Variants in C18orf54 observed in about 807,000 individuals in gnomAD.
C18orf54 encodes lung adenoma susceptibility protein 2.
C18orf54 carries 49 observed loss-of-function variants against 49.3 expected under a neutral mutation model. That is an observed-to-expected ratio of 0.99 (90% CI 0.79 to 1.26). The LOEUF is 1.26. Among genes scored for constraint, C18orf54 ranks in the 50% most tolerant of loss-of-function variants. C18orf54 has a pLI of 0.00. For synonymous variants in C18orf54, 211 were observed against 216.6 expected, an observed-to-expected ratio of 0.97 and a Z score of 0.23; for missense variants, 687 against 620.6, an observed-to-expected ratio of 1.11 and a Z score of -1.14.
In C18orf54 at chr18:54,365,784, A is replaced by G. The variant is rs2144730645; in HGVS notation, c.1289A>G (p.Lys430Arg). The change falls in exon 6 of 9, where the codon AAA becomes AGA. Residue 430 changes from lysine to arginine, a missense_variant. By Grantham distance (26) the Lys-to-Arg change is conservative (BLOSUM62 2). Coordinates refer to ENST00000620105, the MANE Select transcript of C18orf54 (RefSeq NM_001288980.2). ...CAAACTTCAAGGGCAAAGAGTGCTAAAGGGGTTCTTGAAGACTTTCTAAAT... is the reference window on the plus strand; with the variant it reads ...CAAACTTCAAGGGCAAAGAGTGCTAGAGGGGTTCTTGAAGACTTTCTAAAT... ...PQQTSRAKSAKGVLEDFLNND... is the reference protein window; with the variant it reads ...PQQTSRAKSARGVLEDFLNND... 1 of 1,594,488 alleles carries G rather than the reference A, an allele frequency of 6.3e-7. No individual in the cohort carries two copies. Among genetic ancestry groups the G allele is most frequent in the Middle Eastern group, 1.7e-4 (1 of 5,970 alleles).
Position 54,379,325 on chromosome 18 carries a change from A to G in C18orf54, c.*1079A>G, listed in dbSNP as rs1207840258. 2.6e-5 allele frequency: 4 copies of G among 152,110 alleles called. No individual in the cohort carries two copies. The highest frequency in any genetic ancestry group is 7.2e-5 in the African/African-American group (3 of 41,448). The allele number at this position is 152,110 out of a possible 1,614,324, so 9.4% of individuals were successfully genotyped here. Reference sequence around the variant, plus strand: ...AAATTAAAGAGTACTGTGTGTATGTATAACTACTACAGGTTAACACTTCAC... The same window carrying G: ...AAATTAAAGAGTACTGTGTGTATGTGTAACTACTACAGGTTAACACTTCAC... On this transcript the variant is annotated 3_prime_UTR_variant, in exon 9 of 9. Transcript: ENST00000620105.
In C18orf54 at chr18:54,362,301, AC is replaced by A. The variant is rs1794601098; in HGVS notation, c.945del (p.Ser316GlnfsTer7). 1.3e-6 allele frequency: 2 copies of A among 1,536,136 alleles called. No homozygotes were observed. The highest frequency in any genetic ancestry group is 2.7e-5 in the African/African-American group (2 of 73,038). On this transcript the variant is annotated frameshift_variant, in exon 4 of 9. Coordinates refer to ENST00000620105, the MANE Select transcript of C18orf54 (RefSeq NM_001288980.2). LOFTEE classifies it high-confidence loss of function. ...TAGATTGTTTTGAATATGCTTTTGA[AC>A]CCTCAAACTTTTCAAATTCCTTGAG... is the stretch of plus-strand genomic sequence containing the variant. The part of the protein sequence containing the change: ...KLDCFEYAFE[P>X]SNFSNSLSDD...
intron 2 of C18orf54, among the ~76,000 whole-genome samples, chr18:54,359,698 G>A (rs749156492): frequency 9.9e-5 from 15 of 152,076 alleles, no homozygotes; most frequent in Non-Finnish European, 1.9e-4. Context: ...TGTCATCATG[G>A]ACTGAATTAG....
intron 8 of C18orf54, among the ~76,000 whole-genome samples, chr18:54,376,657 T>TA (rs1307168684): frequency 6.6e-6 from 1 of 152,218 alleles, no homozygotes; most frequent in East Asian, 1.9e-4. Flanking sequence ...TTAGTTATTT[T>TA]ACCTCTGATT....
chr18:54,370,293 A>G (rs1271577043), intron 6 of C18orf54, among the ~76,000 whole-genome samples: 2 of 151,826 alleles, frequency 1.3e-5, no homozygotes, highest in South Asian at 2.1e-4. Context: ...AAAAAAAAAA[A>G]GTTTAAAACA....
chr18:54,373,180 C>T (rs1173433443), intron 7 of C18orf54, among the ~76,000 whole-genome samples: 1 of 151,784 alleles, frequency 6.6e-6, no homozygotes. Flanking sequence ...TGTTTAAGAA[C>T]ATAGAGTTTA....
intron 8 of C18orf54, among the ~76,000 whole-genome samples, chr18:54,376,538 TGGC>T (rs1297852469): frequency 6.6e-6 from 1 of 152,212 alleles, no homozygotes; most frequent in Non-Finnish European, 1.5e-5. Context: ...TTTGCCATGT[TGGC>T]CAGGCTGGTC....
chr18:54,365,702 C>A lies in C18orf54; in HGVS notation c.1224-17C>A. On this transcript the variant is annotated splice_polypyrimidine_tract_variant and intron_variant, in intron 5 of 8. Transcript: ENST00000620105. ...GGGAACTTAATTGCTATCTTGCATC[C>A]TTTAAATCCTGTTTAGCAAATCTCC... 1.3e-6 allele frequency: 2 copies of A among 1,486,858 alleles called. No individual in the cohort carries two copies. The highest frequency in any genetic ancestry group is 1.9e-6 in the Non-Finnish European group (2 of 1,078,868). The allele number at this position is 1,486,858 out of a possible 1,614,324, so 92.1% of individuals were successfully genotyped here.
rs2089679661 is a variant in C18orf54, at chr18:54,381,861, T to A, written c.*3615T>A. 1 of 152,210 alleles carries A rather than the reference T, an allele frequency of 6.6e-6. No homozygotes were observed. The highest frequency in any genetic ancestry group is 6.5e-5 in the Admixed American group (1 of 15,276). 9.4% of individuals were successfully genotyped at this position (152,210 alleles called of 1,614,324 possible). A position where few individuals can be genotyped will look rare whatever the true frequency, so the allele number is the denominator to read the frequency against. On this transcript the variant is annotated 3_prime_UTR_variant, in exon 9 of 9. Coordinates refer to ENST00000620105, the MANE Select transcript of C18orf54 (RefSeq NM_001288980.2). ...GAAATGTATATCAAAATATGTTAGATGATTGATTGTTTTATCTCCTTGATG... is the reference window on the plus strand; with the variant it reads ...GAAATGTATATCAAAATATGTTAGAAGATTGATTGTTTTATCTCCTTGATG...
Position 54,362,197 on chromosome 18 carries a change from T to G in C18orf54, c.838T>G (p.Tyr280Asp). 1 of 1,536,214 alleles carries G rather than the reference T, an allele frequency of 6.5e-7. No individual in the cohort carries two copies. Among genetic ancestry groups the G allele is most frequent in the Admixed American group, 2.0e-5 (1 of 51,002 alleles). The change falls in exon 4 of 9, where the codon TAT becomes GAT. Residue 280 changes from tyrosine to aspartate, a missense_variant. Tyr to Asp is a radical substitution (Grantham distance 160). Coordinates refer to ENST00000620105, the MANE Select transcript of C18orf54 (RefSeq NM_001288980.2). Reference sequence around the variant, plus strand: ...ACCTGATGCAAATAGTCAAAGGGTTTATCAGATATTTAAAGATGATCAGTG... The same window carrying G: ...ACCTGATGCAAATAGTCAAAGGGTTGATCAGATATTTAAAGATGATCAGTG... ...LLPDANSQRVYQIFKDDQCSP... is the reference protein window; with the variant it reads ...LLPDANSQRVDQIFKDDQCSP...
In C18orf54 at chr18:54,362,942, A is replaced by C. The variant is rs2144723706; in HGVS notation, c.1223+21A>C. 3 of 1,577,232 alleles carry C rather than the reference A, an allele frequency of 1.9e-6. No individual in the cohort carries two copies. In the East Asian group the frequency reaches 6.8e-5, roughly 36 times the overall value. On this transcript the variant is annotated intron_variant, in intron 5 of 8. Transcript: ENST00000620105. ...ACTTTGTAAGTAAGTGGCAATGGAA[A>C]AACTGTTTAGTTTTCCAAATGAAAA... is the stretch of plus-strand genomic sequence containing the variant.
rs1262040360 is a variant in C18orf54 at position 54,379,016 on chromosome 18, C to G, written c.*770C>G. ...TGGGGTTGGCTCAAACTAGTGAAAA[C>G]TATGACTCAATGGCCAATTGCTTTA... is the stretch of plus-strand genomic sequence containing the variant. On this transcript the variant is annotated 3_prime_UTR_variant, in exon 9 of 9. Transcript: ENST00000620105. 6.6e-6 allele frequency: 1 copy of G among 151,994 alleles called. No individual in the cohort carries two copies. Among genetic ancestry groups the G allele is most frequent in the Non-Finnish European group, 1.5e-5 (1 of 67,914 alleles). 9.4% of individuals were successfully genotyped at this position (151,994 alleles called of 1,614,324 possible).
rs1041074152 is a variant in C18orf54 at position 54,362,677 on chromosome 18, C to T, written c.1073-94C>T. Reference sequence around the variant, plus strand: ...TGCTGTTATAGATGAATGTACATTCCAAATGATCAGAACTCTTGTTGACTT... The same window carrying T: ...TGCTGTTATAGATGAATGTACATTCTAAATGATCAGAACTCTTGTTGACTT... On this transcript the variant is annotated intron_variant, in intron 4 of 8. Coordinates refer to ENST00000620105, the MANE Select transcript of C18orf54 (RefSeq NM_001288980.2). The T allele has an allele frequency of 9.5e-6, 11 of 1,159,274 alleles. No individual in the cohort carries two copies. The African/African-American group carries it at 1.7e-4, about 18-fold the overall frequency. The allele number at this position is 1,159,274 out of a possible 1,614,324, so 71.8% of individuals were successfully genotyped here. A position where few individuals can be genotyped will look rare whatever the true frequency, so the allele number is the denominator to read the frequency against.
intron 7 of C18orf54, 85 bp downstream of exon 7, chr18:54,372,682 G>A: frequency 7.8e-7 from 1 of 1,287,250 alleles, no homozygotes; most frequent in Non-Finnish European, 1.1e-6. Context: ...CCTACTTATA[G>A]TTTTATGTTA....
At position 54,378,893 on chromosome 18, in the gene C18orf54, A is replaced by G. The variant is rs2089620136; in HGVS notation, c.*647A>G. The G allele has an allele frequency of 6.6e-6, 1 of 152,110 alleles. No homozygotes were observed. Among genetic ancestry groups the G allele is most frequent in the Non-Finnish European group, 1.5e-5 (1 of 67,958 alleles). The allele number at this position is 152,110 out of a possible 1,614,324, so 9.4% of individuals were successfully genotyped here. ...AATTAGTACTTTGATTCTGTGTAAG[A>G]TAATCTTGGTAGTGCTTGACAGTTT... On this transcript the variant is annotated 3_prime_UTR_variant, in exon 9 of 9. Coordinates refer to ENST00000620105, the MANE Select transcript of C18orf54 (RefSeq NM_001288980.2).
At chr18:54,371,231 A>G (rs2089481719) in intron 6 of C18orf54, among the ~76,000 whole-genome samples, 2 of 152,148 alleles carry the variant, frequency 1.3e-5, no homozygotes, top group Non-Finnish European at 2.9e-5. Context: ...TCGTGTAAGA[A>G]GAATCATATG....
rs1244066862 is a variant in C18orf54 at position 54,380,225 on chromosome 18, T to G, written c.*1979T>G. On this transcript the variant is annotated 3_prime_UTR_variant, in exon 9 of 9. Coordinates refer to ENST00000620105, the MANE Select transcript of C18orf54 (RefSeq NM_001288980.2). ...TAATTTTAATATCTCAGGGTTCTTTTTAGGTTTCCAGGGGAAAAGAGCAGG... is the reference window on the plus strand; with the variant it reads ...TAATTTTAATATCTCAGGGTTCTTTGTAGGTTTCCAGGGGAAAAGAGCAGG... The G allele has an allele frequency of 6.6e-6, 1 of 152,050 alleles. No individual in the cohort carries two copies. Among genetic ancestry groups the G allele is most frequent in the Non-Finnish European group, 1.5e-5 (1 of 67,908 alleles). The allele number at this position is 152,050 out of a possible 1,614,324, so 9.4% of individuals were successfully genotyped here.
In C18orf54 at chr18:54,379,248, A is replaced by G. The variant is rs540348844; in HGVS notation, c.*1002A>G. ...AGTAGTAAGCATCTTTACTAACACA[A>G]CTGAGAATTAAGTCATAAAACATAA... On this transcript the variant is annotated 3_prime_UTR_variant, in exon 9 of 9. Transcript: ENST00000620105. 1 of 152,198 alleles carries G rather than the reference A, an allele frequency of 6.6e-6. No homozygotes were observed. The highest frequency in any genetic ancestry group is 2.1e-4 in the South Asian group (1 of 4,822). The allele number at this position is 152,198 out of a possible 1,614,324, so 9.4% of individuals were successfully genotyped here. A position where few individuals can be genotyped will look rare whatever the true frequency, so the allele number is the denominator to read the frequency against.
intron 5 of C18orf54, chr18:54,363,842 T>G (rs2089322924): frequency 6.6e-6 from 1 of 152,046 alleles, no homozygotes; most frequent in Admixed American, 6.5e-5. Context: ...GTTGATTGTC[T>G]CTTTTCAGAA....
Sources: gnomAD v4.1 joint callset for allele counts (sites outside exome capture counted in the v4.1 genomes callset) on GRCh38, gnomAD v4.1.1 for gene constraint, MANE v1.5 for transcripts, NCBI Gene and HGNC (gene_info 2026-07-23, HGNC 2026-07-21) for gene names.